The following TMA16 variants were observed in gnomAD, a reference collection of about 807,000 sequenced individuals.
TMA16 encodes translation machinery associated 16 homolog.
A neutral mutation model predicts 27.1 loss-of-function variants in TMA16; 26 were observed. That is an observed-to-expected ratio of 0.96 (90% CI 0.70 to 1.33). TMA16 has a LOEUF of 1.33. Ranked by LOEUF, TMA16 falls within the 40% of genes most tolerant of loss-of-function variation. The pLI is 0.00. For synonymous variants in TMA16, 71 were observed against 81.9 expected, an observed-to-expected ratio of 0.87 and a Z score of 0.72; for missense variants, 233 against 241.4, an observed-to-expected ratio of 0.97 and a Z score of 0.23.
At chr4:163,504,265 G>C (rs1274863556) in intron 1 of TMA16, among the ~76,000 whole-genome samples, 1 of 152,084 alleles carries the variant, frequency 6.6e-6, no homozygotes, top group Non-Finnish European at 1.5e-5. Flanking sequence ...CTTTTCACAG[G>C]ATGCATCTTT....
chr4:163,502,014 G>T (rs1737656208), intron 1 of TMA16, among the ~76,000 whole-genome samples: 1 of 152,112 alleles, frequency 6.6e-6, no homozygotes, highest in Non-Finnish European at 1.5e-5. Context: ...GGAAGCCTCA[G>T]TGCTTATCCT....
chr4:163,504,950 A>G (rs1737700510), intron 1 of TMA16, among the ~76,000 whole-genome samples: 2 of 152,308 alleles, frequency 1.3e-5, no homozygotes, highest in South Asian at 2.1e-4. Context: ...TGGCCCCTCC[A>G]TATGGCAGCT....
chr4:163,502,694 CTAAT>C (rs764435617), intron 1 of TMA16, among the ~76,000 whole-genome samples: 1 of 152,060 alleles, frequency 6.6e-6, no homozygotes, highest in Non-Finnish European at 1.5e-5. Flanking sequence ...CTTGGAAGCG[CTAAT>C]TAATTATTTG....
chr4:163,498,927 G>A (rs1177707370), intron 1 of TMA16, among the ~76,000 whole-genome samples: 1 of 152,160 alleles, frequency 6.6e-6, no homozygotes, highest in Admixed American at 6.5e-5. Flanking sequence ...CAAAAGTGTT[G>A]AGATAGTGGG....
Position 163,505,126 on chromosome 4 carries a change from A to C in TMA16, c.4-1907A>C, listed in dbSNP as rs542132423. Among the ~76,000 whole-genome samples, 25 of 152,348 alleles carry C rather than the reference A, an allele frequency of 1.6e-4. No homozygotes were observed. The South Asian group carries it at 4.8e-3, about 29-fold the overall frequency. ...CAAAAGGAGGGGATTCCATAAGGGCATGAGGATCAGGAGGTGGGGTTTATT... is the reference window on the plus strand; with the variant it reads ...CAAAAGGAGGGGATTCCATAAGGGCCTGAGGATCAGGAGGTGGGGTTTATT... On this transcript the variant is annotated intron_variant, in intron 1 of 6. Transcript: ENST00000358572.
At chr4:163,511,513 A>G (rs542737228) in intron 2 of TMA16, among the ~76,000 whole-genome samples, 1 of 152,182 alleles carries the variant, frequency 6.6e-6, no homozygotes, top group South Asian at 2.1e-4. Flanking sequence ...TAAAAATTTT[A>G]TATAAAGAAG....
chr4:163,500,663 A>T (rs1401367747), intron 1 of TMA16, among the ~76,000 whole-genome samples: 1 of 152,210 alleles, frequency 6.6e-6, no homozygotes, highest in Non-Finnish European at 1.5e-5. Context: ...GGACTGGCAC[A>T]GAGTTTTTGT....
At chr4:163,501,407 CT>C (rs1200257401) in intron 1 of TMA16, among the ~76,000 whole-genome samples, 6 of 152,158 alleles carry the variant, frequency 3.9e-5, no homozygotes, top group Admixed American at 3.9e-4. Flanking sequence ...TTCTTTCAAA[CT>C]TTGGTTAGGC....
At chr4:163,517,357 AATT>A (rs1737895918) in intron 5 of TMA16, 74 bp from the exon 6 acceptor site, 1 of 1,390,128 alleles carries the variant, frequency 7.2e-7, no homozygotes, top group African/African-American at 1.4e-5. Flanking sequence ...TCTTGCTAAA[AATT>A]ATTATTTGTT....
At chr4:163,517,586 T>G (rs1737901110) in intron 6 of TMA16, 110 bp downstream of exon 6, 2 of 1,025,738 alleles carry the variant, frequency 1.9e-6, no homozygotes, top group Admixed American at 5.3e-5. Flanking sequence ...TCGGGTTTCT[T>G]TTAACCTTTT....
rs1737817553 is a variant in TMA16, at chr4:163,512,818, A to G, written c.117-4A>G. 8 of 1,596,242 alleles carry G rather than the reference A, an allele frequency of 5.0e-6. No homozygotes were observed. Among genetic ancestry groups the G allele is most frequent in the Non-Finnish European group, 6.0e-6 (7 of 1,169,168 alleles). On this transcript the variant is annotated splice_region_variant and splice_polypyrimidine_tract_variant and intron_variant, in intron 2 of 6. Transcript: ENST00000358572. ...TAACACATATATTTACCTTTCCTTC[A>G]AAGATTGAAGAATGAAAAGGCCTTG...
At chr4:163,513,508 G>T (rs1329615927) in intron 3 of TMA16, among the ~76,000 whole-genome samples, 2 of 152,100 alleles carry the variant, frequency 1.3e-5, no homozygotes, top group African/African-American at 4.8e-5. Context: ...GGTGAATTTT[G>T]TTGGCTCTTT....
Position 163,519,455 on chromosome 4 carries a change from G to A in TMA16, c.553G>A (p.Glu185Lys), listed in dbSNP as rs1024293926. ...TIITVDQDLGELELNDESSDS... is the reference protein window; with the variant it reads ...TIITVDQDLGKLELNDESSDS... ...TATAACTGTAGACCAAGATTTGGGG[G>A]AATTGGAACTAAACGATGAATCAAG... Residue 185 changes from glutamate to lysine, a missense_variant, in exon 7 of 7, where the codon GAA (glutamate) becomes AAA (lysine). Transcript: ENST00000358572. The A allele has an allele frequency of 4.4e-6, 7 of 1,605,328 alleles. No homozygotes were observed. The highest frequency in any genetic ancestry group is 2.7e-5 in the African/African-American group (2 of 74,412).
At chr4:163,513,500 T>G (rs1737826697) in intron 3 of TMA16, among the ~76,000 whole-genome samples, 4 of 152,070 alleles carry the variant, frequency 2.6e-5, no homozygotes, top group Admixed American at 2.6e-4. Context: ...CTCACAAGGG[T>G]GAATTTTGTT....
rs1455538598 is a variant in TMA16 at position 163,505,313 on chromosome 4, A to G, written c.4-1720A>G. Among the ~76,000 whole-genome samples, 5 of 152,218 alleles carry G rather than the reference A, an allele frequency of 3.3e-5. 1 individual carries two copies. In the South Asian group the frequency reaches 1.0e-3, roughly 32 times the overall value. ...CATAAAAGAGTACATATACTCTTATATGATGGTTCTACATATTTTCCTATA... is the reference window on the plus strand; with the variant it reads ...CATAAAAGAGTACATATACTCTTATGTGATGGTTCTACATATTTTCCTATA... On this transcript the variant is annotated intron_variant, in intron 1 of 6. Coordinates refer to ENST00000358572, the MANE Select transcript of TMA16 (RefSeq NM_018352.3).
chr4:163,498,848 G>A (rs1205193868), intron 1 of TMA16, among the ~76,000 whole-genome samples: 2 of 152,032 alleles, frequency 1.3e-5, no homozygotes, highest in Non-Finnish European at 2.9e-5. Context: ...TGTAGAGACA[G>A]GGTCTCACTA....
intron 1 of TMA16, among the ~76,000 whole-genome samples, chr4:163,502,468 T>G (rs1391868666): frequency 6.6e-6 from 1 of 152,170 alleles, no homozygotes; most frequent in African/African-American, 2.4e-5. Flanking sequence ...TCAAATGAGC[T>G]GCTATTAAGG....
intron 6 of TMA16, among the ~76,000 whole-genome samples, chr4:163,518,105 G>A (rs1004565509): frequency 5.3e-5 from 8 of 152,042 alleles, no homozygotes; most frequent in African/African-American, 1.7e-4. Flanking sequence ...ATAGCACCCA[G>A]TACGTGGTGT....
At chr4:163,499,594 G>A (rs1000658194) in intron 1 of TMA16, among the ~76,000 whole-genome samples, 21 of 152,050 alleles carry the variant, frequency 1.4e-4, no homozygotes, top group African/African-American at 4.6e-4. Context: ...GGATGCTCAG[G>A]TCCCTTATAT....
Sources: gnomAD v4.1 joint callset for allele counts (sites outside exome capture counted in the v4.1 genomes callset) on GRCh38, gnomAD v4.1.1 for gene constraint, MANE v1.5 for transcripts, NCBI Gene and HGNC (gene_info 2026-07-23, HGNC 2026-07-21) for gene names.